The following CSF2RA variants were observed in gnomAD, a reference collection of about 807,000 sequenced individuals.
The protein encoded by CSF2RA is granulocyte-macrophage colony-stimulating factor receptor subunit alpha.
In CSF2RA, 42 loss-of-function variants were observed where a neutral mutation model predicts 51.6. That is an observed-to-expected ratio of 0.81 (90% CI 0.64 to 1.05). The LOEUF is 1.05. Ranked by LOEUF, CSF2RA falls within the 50% of genes least tolerant of loss-of-function variation. The probability of loss-of-function intolerance (pLI) is 0.00; values close to 1 mark genes in which losing one functional copy is unlikely to be tolerated. For synonymous variants in CSF2RA, 222 were observed against 193.0 expected (o/e 1.15, Z -1.24); for missense variants, 530 against 501.1 (o/e 1.06, Z -0.55).
In CSF2RA at chrX:1,309,602, T is replaced by C; in HGVS notation, c.*123T>C. 2 of 1,613,484 alleles carry C rather than the reference T, an allele frequency of 1.2e-6. No homozygotes were observed. Among genetic ancestry groups the C allele is most frequent in the East Asian group, 2.2e-5 (1 of 44,852 alleles). The stretch of plus-strand genomic sequence containing the variant: ...TGTTTTTATTTAAAAACATGACATT[T>C]GGGGCCAGGCGCGGTGGCTCACGCC... On this transcript the variant is annotated 3_prime_UTR_variant, in exon 13 of 13. Coordinates refer to ENST00000381529, the MANE Select transcript of CSF2RA (RefSeq NM_172245.4).
At chrX:1,280,934 C>CCTCCTCCTCCTT (rs2089886951) in intron 2 of CSF2RA, among the ~76,000 whole-genome samples, 2 of 77,308 alleles carry the variant, frequency 2.6e-5, no homozygotes, top group African/African-American at 5.0e-5. Flanking sequence ...TCCTTCTCCT[C>CCTCCTCCTCCTT]CTCCTCCTCC....
chrX:1,316,839 G>A, the CSF2RA span, among the ~76,000 whole-genome samples: 1 of 152,264 alleles, frequency 6.6e-6, no homozygotes, highest in Non-Finnish European at 1.5e-5. Flanking sequence ...CCCAGACACA[G>A]AGGCGTTGAG....
At chrX:1,309,976 G>T, downstream of CSF2RA, 1 of 498,340 alleles carries the variant, frequency 2.0e-6, no homozygotes, top group Non-Finnish European at 3.5e-6. Context: ...TTGGAGGATT[G>T]CTGGAGACAG....
At chrX:1,281,712 C>T (rs1368334148) in intron 2 of CSF2RA, among the ~76,000 whole-genome samples, 2 of 151,964 alleles carry the variant, frequency 1.3e-5, no homozygotes, top group Non-Finnish European at 2.9e-5. Context: ...TTTGTCTTTT[C>T]CACAGTGTCC....
At chrX:1,302,187 A>G (rs2083056173) in intron 10 of CSF2RA, among the ~76,000 whole-genome samples, 1 of 152,044 alleles carries the variant, frequency 6.6e-6, no homozygotes, top group Non-Finnish European at 1.5e-5. Context: ...AAGTGCTGCA[A>G]TGACAGGCGT....
chrX:1,313,177 G>T (rs1374241571), downstream of CSF2RA, among the ~76,000 whole-genome samples: 1 of 151,942 alleles, frequency 6.6e-6, no homozygotes, highest in Non-Finnish European at 1.5e-5. Flanking sequence ...TAATCCCAGC[G>T]CTTTGCCAGG....
Position 1,300,488 on chromosome X carries a change from A to G in CSF2RA, c.811-3A>G. ...ATCTCTAACTTTCTTTTTTCCTCCA[A>G]AGATTAATGTTTCTGGTGATTTGGA... On this transcript the variant is annotated splice_polypyrimidine_tract_variant and splice_region_variant and intron_variant, in intron 9 of 12. Coordinates refer to ENST00000381529, the MANE Select transcript of CSF2RA (RefSeq NM_172245.4). 1.2e-6 allele frequency: 2 copies of G among 1,613,908 alleles called. No individual in the cohort carries two copies. Among genetic ancestry groups the G allele is most frequent in the Non-Finnish European group, 1.7e-6 (2 of 1,179,838 alleles).
At chrX:1,322,081 G>A in the CSF2RA span, among the ~76,000 whole-genome samples, 2 of 111,432 alleles carry the variant, frequency 1.8e-5, no homozygotes, top group African/African-American at 3.2e-5. Flanking sequence ...ACCAGCCTGG[G>A]CAATATAATA....
chrX:1,318,979 ATTTAT>A, the CSF2RA span, among the ~76,000 whole-genome samples: 2 of 149,954 alleles, frequency 1.3e-5, no homozygotes, highest in South Asian at 2.1e-4. Flanking sequence ...ATGATCCTTT[ATTTAT>A]TTTATTTTAT....
chrX:1,323,897 C>G, the CSF2RA span, among the ~76,000 whole-genome samples: 1 of 151,926 alleles, frequency 6.6e-6, no homozygotes, highest in Non-Finnish European at 1.5e-5. Context: ...GCCTGTAGTC[C>G]CAGCTACTCG....
At chrX:1,286,422 A>G (rs28515797) in intron 4 of CSF2RA, among the ~76,000 whole-genome samples, 24,152 of 151,616 alleles carry the variant, frequency 0.16, 2,293 homozygotes, top group Non-Finnish European at 0.21. Context: ...TACAAAAATT[A>G]GTCGGGCATG....
Position 1,302,685 on chromosome X carries a change from C to A in CSF2RA, c.947-1238C>A, listed in dbSNP as rs111677759. Among the ~76,000 whole-genome samples, 615 of 109,110 alleles carry A rather than the reference C, an allele frequency of 5.6e-3. 5 individuals are homozygous for A. The highest frequency in any genetic ancestry group is 8.5e-3 in the African/African-American group (262 of 30,906). The allele number at this position is 109,110 out of a possible 152,430, so 71.6% of individuals were successfully genotyped here. On this transcript the variant is annotated intron_variant, in intron 10 of 12. Coordinates refer to ENST00000381529, the MANE Select transcript of CSF2RA (RefSeq NM_172245.4). ...ACGCTTGGCCAATTTTTGTATTTTT[C>A]TTTTTATTTATTTATTTATTTATTT...
At chrX:1,299,093 G>C (rs148100327) in intron 9 of CSF2RA, among the ~76,000 whole-genome samples, 1 of 152,064 alleles carries the variant, frequency 6.6e-6, no homozygotes, top group Non-Finnish European at 1.5e-5. Flanking sequence ...GTTCTCACTG[G>C]GCAGGGTCTG....
chrX:1,284,669 T>TTA (rs2090437202), intron 3 of CSF2RA, among the ~76,000 whole-genome samples: 1 of 132,642 alleles, frequency 7.5e-6, no homozygotes, highest in Non-Finnish European at 1.6e-5. Context: ...GATTTTTTTT[T>TTA]TTTTTTTTTT....
chrX:1,314,228 TGCACCTGCCCAACCCCACTGCACCTGCCC>T (rs1569514647), downstream of CSF2RA, among the ~76,000 whole-genome samples: 3 of 149,130 alleles, frequency 2.0e-5, no homozygotes, highest in Admixed American at 6.8e-5. Context: ...CCAACCCCAC[TGCACCTGCCCAACCCCACTGCACCTGCCC>T]AACCCCACTG....
At chrX:1,315,963 A>G in the CSF2RA span, among the ~76,000 whole-genome samples, 1 of 151,748 alleles carries the variant, frequency 6.6e-6, no homozygotes, top group Non-Finnish European at 1.5e-5. Context: ...TGATAGATAA[A>G]TAGATGATTG....
At chrX:1,323,880 G>T in the CSF2RA span, among the ~76,000 whole-genome samples, 11 of 152,110 alleles carry the variant, frequency 7.2e-5, no homozygotes, top group Non-Finnish European at 1.5e-4. Flanking sequence ...CGGGCGTGGT[G>T]GTGGGCGCCT....
chrX:1,307,928 A>T (rs2083832420), intron 12 of CSF2RA, among the ~76,000 whole-genome samples: 1 of 148,626 alleles, frequency 6.7e-6, no homozygotes, highest in South Asian at 2.2e-4. Context: ...TAGACCTTCA[A>T]CTCATTAGAT....
At chrX:1,324,454 A>AG in the CSF2RA span, among the ~76,000 whole-genome samples, 1 of 23,714 alleles carries the variant, frequency 4.2e-5, no homozygotes, top group African/African-American at 6.1e-5. Context: ...AAGAAAGAAA[A>AG]AGAAAGAGAA....
Sources: allele counts gnomAD v4.1 joint callset (sites outside exome capture counted in the v4.1 genomes callset), GRCh38; gene constraint gnomAD v4.1.1; transcripts MANE v1.5; gene names NCBI Gene and HGNC (gene_info 2026-07-23, HGNC 2026-07-21).